Variants in PTPN13 observed in about 807,000 individuals in gnomAD.
PTPN13 encodes protein tyrosine phosphatase non-receptor type 13, also known as tyrosine-protein phosphatase non-receptor type 13.
PTPN13 carries 191 observed loss-of-function variants against 284.0 expected under a neutral mutation model. The observed-to-expected ratio is 0.67, with a 90% CI of 0.60 to 0.76. The LOEUF is 0.76. PTPN13 is among the 30% of genes least tolerant of loss of function. PTPN13 has a pLI of 0.00. For synonymous variants in PTPN13, 986 were observed against 1,022.3 expected, an observed-to-expected ratio of 0.96 and a Z score of 0.68; for missense variants, 2,797 against 2,939.9, an observed-to-expected ratio of 0.95 and a Z score of 1.12.
At chr4:86,742,303 G>A (rs897882733) in intron 16 of PTPN13, among the ~76,000 whole-genome samples, 2 of 152,102 alleles carry the variant, frequency 1.3e-5, no homozygotes, top group African/African-American at 4.8e-5. Context: ...GATTTTTAGT[G>A]TACAGCTCTC....
rs1352145912 is a variant in PTPN13 at position 86,734,354 on chromosome 4, C to A, written c.1910C>A (p.Pro637Gln). 1 of 1,559,586 alleles carries A rather than the reference C, an allele frequency of 6.4e-7. No individual in the cohort carries two copies. Among genetic ancestry groups the A allele is most frequent in the East Asian group, 2.4e-5 (1 of 42,308 alleles). ...DPDLKLTKVAPEGWKEEPKKK... is the reference protein window; with the variant it reads ...DPDLKLTKVAQEGWKEEPKKK... ...GACTTAAAATTAACCAAAGTGGCCC[C>A]AGAGGGATGGAAAGAAGAACCAAAG... Residue 637 changes from proline to glutamine, a missense_variant, in exon 13 of 48, where the codon CCA (proline) becomes CAA (glutamine). Coordinates refer to ENST00000411767, the MANE Select transcript of PTPN13 (RefSeq NM_080683.3).
rs1384286076 is a variant in PTPN13 at position 86,805,271 on chromosome 4, G to T, written c.6655-8G>T. The T allele has an allele frequency of 6.5e-7, 1 of 1,542,276 alleles. No individual in the cohort carries two copies. Among genetic ancestry groups the T allele is most frequent in the South Asian group, 1.2e-5 (1 of 84,954 alleles). ...CTCAACAAATTTATTTCCATGTTTT[G>T]CTTACAGAATCTTCAAGAATTAAAA... On this transcript the variant is annotated splice_polypyrimidine_tract_variant and splice_region_variant and intron_variant, in intron 43 of 47. Coordinates refer to ENST00000411767, the MANE Select transcript of PTPN13 (RefSeq NM_080683.3).
At chr4:86,745,297 T>G (rs1736613699) in intron 17 of PTPN13, among the ~76,000 whole-genome samples, 169 bp downstream of exon 17, 1 of 152,238 alleles carries the variant, frequency 6.6e-6, no homozygotes, top group South Asian at 2.1e-4. Context: ...TATTTCAATT[T>G]CATGTTCACC....
intron 35 of PTPN13, among the ~76,000 whole-genome samples, chr4:86,777,701 G>A (rs1740816620): frequency 6.6e-6 from 1 of 152,000 alleles, no homozygotes; most frequent in African/African-American, 2.4e-5. Flanking sequence ...TTAAAGTATG[G>A]GAACTTGTTG....
At chr4:86,749,313 A>G (rs902271349) in intron 17 of PTPN13, among the ~76,000 whole-genome samples, 1 of 146,734 alleles carries the variant, frequency 6.8e-6, no homozygotes, top group African/African-American at 2.5e-5. Context: ...CTTCATCTTC[A>G]TCATCATCAT....
chr4:86,620,958 G>A (rs957177612), intron 1 of PTPN13, among the ~76,000 whole-genome samples: 11 of 152,090 alleles, frequency 7.2e-5, no homozygotes, highest in Non-Finnish European at 1.3e-4. Context: ...ATCTGTTGTC[G>A]CAAGAAGACT....
intron 1 of PTPN13, among the ~76,000 whole-genome samples, chr4:86,634,871 G>A (rs1165352461): frequency 1.3e-5 from 2 of 152,114 alleles, no homozygotes; most frequent in African/African-American, 4.8e-5. Flanking sequence ...TTTTATATCT[G>A]GGATGGATAG....
At chr4:86,613,751 C>T (rs144026789) in intron 1 of PTPN13, among the ~76,000 whole-genome samples, 50 of 151,988 alleles carry the variant, frequency 3.3e-4, no homozygotes, top group African/African-American at 1.2e-3. Context: ...TTCTTTTTTG[C>T]ATCGCTAGAC....
chr4:86,671,529 A>C (rs1170483242), intron 2 of PTPN13, among the ~76,000 whole-genome samples: 1 of 152,168 alleles, frequency 6.6e-6, no homozygotes, highest in Non-Finnish European at 1.5e-5. Flanking sequence ...GTTGAGCCTA[A>C]TGTACAGCTT....
At chr4:86,624,519 G>A (rs1721613824) in intron 1 of PTPN13, among the ~76,000 whole-genome samples, 1 of 152,168 alleles carries the variant, frequency 6.6e-6, no homozygotes, top group African/African-American at 2.4e-5. Context: ...TGAATAGTTA[G>A]TTCAGTTGCT....
At position 86,795,715 on chromosome 4, in the gene PTPN13, C is replaced by T. The variant is rs938867640; in HGVS notation, c.6346-1159C>T. 9.2e-5 allele frequency among the ~76,000 whole-genome samples: 14 copies of T among 152,184 alleles called. No individual in the cohort carries two copies. In the South Asian group the frequency reaches 2.5e-3, roughly 27 times the overall value. On this transcript the variant is annotated intron_variant, in intron 40 of 47. Transcript: ENST00000411767. ...CATGGAATACTATGCAGCCATAAAACAGGATGAGTTCATGTCCTTTGCACA... is the reference window on the plus strand; with the variant it reads ...CATGGAATACTATGCAGCCATAAAATAGGATGAGTTCATGTCCTTTGCACA...
intron 4 of PTPN13, among the ~76,000 whole-genome samples, chr4:86,688,417 C>T (rs1729660654): frequency 6.6e-6 from 1 of 151,588 alleles, no homozygotes; most frequent in African/African-American, 2.4e-5. Flanking sequence ...ATGACATTGG[C>T]CACCCTTTCA....
chr4:86,775,509 G>A lies in PTPN13; in HGVS notation c.5748G>A (p.Arg1916=), dbSNP rs1423984401. ...QVVYISDINP[R]SVAAIEGNLQ... Reference sequence around the variant, plus strand: ...TATATATTAGTGATATTAATCCAAGGTCCGTCGCAGCCATTGAGGGTAATC... The same window carrying A: ...TATATATTAGTGATATTAATCCAAGATCCGTCGCAGCCATTGAGGGTAATC... Residue 1916 remains arginine, a synonymous_variant, in exon 35 of 48, where the codon AGG becomes AGA. Coordinates refer to ENST00000411767, the MANE Select transcript of PTPN13 (RefSeq NM_080683.3). 2 of 1,612,416 alleles carry A rather than the reference G, an allele frequency of 1.2e-6. No individual in the cohort carries two copies. Among genetic ancestry groups the A allele is most frequent in the Admixed American group, 1.7e-5 (1 of 59,976 alleles).
intron 7 of PTPN13, among the ~76,000 whole-genome samples, chr4:86,708,871 C>G (rs1578463444): frequency 6.6e-6 from 1 of 151,880 alleles, no homozygotes; most frequent in East Asian, 1.9e-4. Flanking sequence ...TATATCTCTC[C>G]TCTCATCTTT....
At chr4:86,784,351 G>T in intron 37 of PTPN13, 114 bp from the exon 38 acceptor site, 1 of 660,122 alleles carries the variant, frequency 1.5e-6, no homozygotes, top group Non-Finnish European at 2.6e-6. Flanking sequence ...AAGGTGGAGA[G>T]ATGTAAAATG....
intron 40 of PTPN13, among the ~76,000 whole-genome samples, chr4:86,787,720 A>G (rs1429650576): frequency 6.6e-6 from 1 of 152,184 alleles, no homozygotes; most frequent in African/African-American, 2.4e-5. Context: ...ATACATACAT[A>G]ATTTTTTAAT....
intron 5 of PTPN13, among the ~76,000 whole-genome samples, chr4:86,691,727 A>G (rs1730047949): frequency 6.6e-6 from 1 of 152,228 alleles, no homozygotes; most frequent in Non-Finnish European, 1.5e-5. Flanking sequence ...CAGATACGGT[A>G]AATGATGGAG....
At chr4:86,663,200 C>A (rs1287400284) in intron 2 of PTPN13, among the ~76,000 whole-genome samples, 1 of 151,830 alleles carries the variant, frequency 6.6e-6, no homozygotes, top group Non-Finnish European at 1.5e-5. Context: ...TGGCTGAGGC[C>A]CCTATAATAA....
intron 1 of PTPN13, among the ~76,000 whole-genome samples, chr4:86,620,288 C>A (rs1310027465): frequency 6.6e-6 from 1 of 152,180 alleles, no homozygotes; most frequent in African/African-American, 2.4e-5. Context: ...ACCACAGCCT[C>A]CCAGGTAGCT....
Sources: gnomAD v4.1 joint callset for allele counts (sites outside exome capture counted in the v4.1 genomes callset) on GRCh38, gnomAD v4.1.1 for gene constraint, MANE v1.5 for transcripts, NCBI Gene and HGNC (gene_info 2026-07-23, HGNC 2026-07-21) for gene names.